The following RALGAPA1 variants were observed in gnomAD, a reference collection of about 807,000 sequenced individuals.
RALGAPA1 encodes Ral GTPase activating protein catalytic subunit alpha 1.
In RALGAPA1, 52 loss-of-function variants were observed where a neutral mutation model predicts 269.6. The ratio of observed to expected loss-of-function variants is 0.19; its 90% CI spans 0.15 to 0.24. RALGAPA1 has a LOEUF of 0.24. Among genes scored for constraint, RALGAPA1 ranks in the 10% least tolerant of loss-of-function variants. The pLI, the probability that RALGAPA1 is intolerant of heterozygous loss-of-function variation, is 1.00. For missense variants in RALGAPA1, 1,917 were observed against 3,013.9 expected (o/e 0.64, Z 8.52); for synonymous variants, 817 against 1,008.3 (o/e 0.81, Z 3.60).
intron 12 of RALGAPA1, 45 bp downstream of exon 12, chr14:35,738,468 T>G: frequency 7.0e-7 from 1 of 1,434,544 alleles, no homozygotes; most frequent in Non-Finnish European, 9.3e-7. Flanking sequence ...AACAGAAATA[T>G]TTAATGATTA....
chr14:35,636,628 C>T (rs2061678828), intron 31 of RALGAPA1, among the ~76,000 whole-genome samples: 1 of 152,174 alleles, frequency 6.6e-6, no homozygotes, highest in Non-Finnish European at 1.5e-5. Context: ...TCAAGTGATT[C>T]TTGCACCTCA....
intron 1 of RALGAPA1, among the ~76,000 whole-genome samples, chr14:35,784,958 G>T (rs1455788624): frequency 6.6e-6 from 1 of 152,152 alleles, no homozygotes; most frequent in African/African-American, 2.4e-5. Context: ...TGAAGTGGGA[G>T]GATAGCTTGA....
chr14:35,641,795 A>G (rs1180359392), intron 31 of RALGAPA1, among the ~76,000 whole-genome samples: 4 of 152,220 alleles, frequency 2.6e-5, no homozygotes, highest in African/African-American at 9.6e-5. Context: ...AGTCAAAGCT[A>G]TCCTGAGCAA....
At chr14:35,708,078 T>C (rs1233862403) in intron 16 of RALGAPA1, among the ~76,000 whole-genome samples, 1 of 152,124 alleles carries the variant, frequency 6.6e-6, no homozygotes, top group Non-Finnish European at 1.5e-5. Context: ...AGAATGAAAC[T>C]AGATCCCTTT....
intron 36 of RALGAPA1, among the ~76,000 whole-genome samples, chr14:35,604,670 T>A (rs1366421353): frequency 6.6e-6 from 1 of 151,586 alleles, no homozygotes; most frequent in Non-Finnish European, 1.5e-5. Context: ...GTAATAATAA[T>A]TTTTATCAAA....
chr14:35,662,164 A>C (rs1174345199), intron 27 of RALGAPA1, among the ~76,000 whole-genome samples: 1 of 152,242 alleles, frequency 6.6e-6, no homozygotes, highest in Non-Finnish European at 1.5e-5. Context: ...CTGAGAAGTC[A>C]TAAAAGACTT....
chr14:35,595,597 T>C, intron 37 of RALGAPA1, 37 bp downstream of exon 37: 1 of 1,562,718 alleles, frequency 6.4e-7, no homozygotes, highest in East Asian at 2.2e-5. Flanking sequence ...GTCTCAATTA[T>C]GAGCATTTTA....
intron 39 of RALGAPA1, among the ~76,000 whole-genome samples, chr14:35,561,507 T>G (rs1424745379): frequency 1.1e-4 from 4 of 35,464 alleles, no homozygotes; most frequent in Admixed American, 3.4e-4. Flanking sequence ...AATATAGGAG[T>G]TTTTTTTTTT....
Position 35,689,085 on chromosome 14 carries a change from A to C in RALGAPA1, c.3326T>G (p.Val1109Gly). 1 of 1,236,360 alleles carries C rather than the reference A, an allele frequency of 8.1e-7. No individual in the cohort carries two copies. The highest frequency in any genetic ancestry group is 1.0e-6 in the Non-Finnish European group (1 of 990,464). The allele number at this position is 1,236,360 out of a possible 1,614,324, so 76.6% of individuals were successfully genotyped here. ...TGTAACATGAGGCATTCTGCGGTTAACAGGTGCTTTTAGTGTTGCTTTCTT... is the reference window on the plus strand; with the variant it reads ...TGTAACATGAGGCATTCTGCGGTTACCAGGTGCTTTTAGTGTTGCTTTCTT... ...RAKKATLKAPVNRRMPHVTST... is the reference protein window; with the variant it reads ...RAKKATLKAPGNRRMPHVTST... The change falls in exon 18 of 42, where the codon GTT becomes GGT. Residue 1109 changes from valine to glycine, a missense_variant. Physicochemically the swap from Val to Gly is moderately radical, Grantham distance 109 (BLOSUM62 -3). This residue lies in a region of RALGAPA1 where 615 missense variants were observed against 790.0 expected (regional missense o/e 0.78). Coordinates refer to ENST00000680220, the MANE Select transcript of RALGAPA1 (RefSeq NM_001346249.2).
rs886468927 is a variant in RALGAPA1 at position 35,774,941 on chromosome 14, T to G, written c.267+65A>C. On this transcript the variant is annotated intron_variant, in intron 3 of 41. Transcript: ENST00000680220. The stretch of plus-strand genomic sequence containing the variant: ...CATTACATGTTTTATAATTTAAATA[T>G]ATTCCTTTGTATGTTCCAAAAATTA... 9 of 932,386 alleles carry G rather than the reference T, an allele frequency of 9.7e-6. No individual in the cohort carries two copies. The African/African-American group carries it at 1.5e-4, about 16-fold the overall frequency. The allele number at this position is 932,386 out of a possible 1,614,324, so 57.8% of individuals were successfully genotyped here.
intron 35 of RALGAPA1, among the ~76,000 whole-genome samples, chr14:35,616,019 G>T (rs981243686): frequency 3.9e-5 from 6 of 152,126 alleles, no homozygotes; most frequent in Admixed American, 2.6e-4. Context: ...GTCTTGGAAA[G>T]AAGTGATAAG....
intron 41 of RALGAPA1, among the ~76,000 whole-genome samples, chr14:35,541,063 T>C (rs1308311766): frequency 1.7e-4 from 25 of 146,016 alleles, no homozygotes; most frequent in Non-Finnish European, 4.5e-5. Flanking sequence ...TTTTTTTTTT[T>C]TGAGACGGAG....
chr14:35,645,623 C>T (rs1215446845), intron 31 of RALGAPA1, among the ~76,000 whole-genome samples: 5 of 150,090 alleles, frequency 3.3e-5, no homozygotes, highest in Admixed American at 6.7e-5. Flanking sequence ...CCCAGCTACT[C>T]GGGAGGCTGG....
intron 4 of RALGAPA1, among the ~76,000 whole-genome samples, chr14:35,767,982 C>A (rs1241740796): frequency 6.6e-6 from 1 of 152,022 alleles, no homozygotes; most frequent in Non-Finnish European, 1.5e-5. Flanking sequence ...ACCATGTTGC[C>A]CAGGCTGGTC....
chr14:35,657,097 T>C (rs893461366), intron 28 of RALGAPA1, among the ~76,000 whole-genome samples: 7 of 152,114 alleles, frequency 4.6e-5, no homozygotes, highest in Non-Finnish European at 2.9e-5. Flanking sequence ...CTCCACAAGA[T>C]GTCAAAATAA....
intron 37 of RALGAPA1, among the ~76,000 whole-genome samples, chr14:35,575,687 C>T (rs538879145): frequency 6.6e-6 from 1 of 152,280 alleles, no homozygotes; most frequent in African/African-American, 2.4e-5. Context: ...CTCCGCCTCC[C>T]AGGTTCAAGC....
intron 1 of RALGAPA1, among the ~76,000 whole-genome samples, chr14:35,807,228 A>T (rs888609660): frequency 6.6e-6 from 1 of 152,176 alleles, no homozygotes; most frequent in African/African-American, 2.4e-5. Context: ...TCAAACTGCC[A>T]TTACCTGTGA....
intron 26 of RALGAPA1, among the ~76,000 whole-genome samples, chr14:35,670,977 TG>T (rs2064368752): frequency 6.6e-6 from 1 of 152,018 alleles, no homozygotes; most frequent in Non-Finnish European, 1.5e-5. Context: ...TGTCCTTCTA[TG>T]GTGGATGCCT....
At chr14:35,756,611 A>G in intron 7 of RALGAPA1, 182 bp downstream of exon 7, 1 of 391,074 alleles carries the variant, frequency 2.6e-6, no homozygotes, top group Admixed American at 4.3e-5. Context: ...GGTTGATTAC[A>G]CTTGTAAAAG....
Sources: allele counts gnomAD v4.1 joint callset (sites outside exome capture counted in the v4.1 genomes callset), GRCh38; gene constraint gnomAD v4.1.1; regional missense constraint gnomAD v4.1.1; transcripts MANE v1.5; gene names NCBI Gene and HGNC (gene_info 2026-07-23, HGNC 2026-07-21).